EFCAB3: variants seen among roughly 807,000 people sequenced by gnomAD.
EFCAB3 encodes the protein EF-hand calcium-binding domain-containing protein 3.
A neutral mutation model predicts 42.2 loss-of-function variants in EFCAB3; 36 were observed. That is an observed-to-expected ratio of 0.85 (90% CI 0.65 to 1.13). EFCAB3 has a LOEUF of 1.13. Among genes scored for constraint, EFCAB3 ranks in the 50% most tolerant of loss-of-function variants. The pLI is 0.00. For synonymous variants in EFCAB3, 170 were observed against 172.8 expected, an observed-to-expected ratio of 0.98 and a Z score of 0.13; for missense variants, 418 against 505.1, an observed-to-expected ratio of 0.83 and a Z score of 1.65.
At chr17:62,377,058 G>C (rs978202232), upstream of EFCAB3, among the ~76,000 whole-genome samples, 1 of 152,094 alleles carries the variant, frequency 6.6e-6, no homozygotes, top group South Asian at 2.1e-4. Flanking sequence ...GAGAGAGAGA[G>C]AGTGACCAGA....
Position 62,393,603 on chromosome 17 carries a change from T to C in EFCAB3, c.326T>C (p.Ile109Thr). The change falls in exon 5 of 10, where the codon ATC becomes ACC. Residue 109 changes from isoleucine (I) to threonine (T), a missense_variant. Transcript: ENST00000305286. ...GGGAAGGTGAACTTCTCAGACTTTA[T>C]CAAGGTTCTAACAGATAAGAATCTC... is the stretch of plus-strand genomic sequence containing the variant. ...RDGKVNFSDF[I>T]KVLTDKNLFL... 8 of 1,614,128 alleles carry C rather than the reference T, an allele frequency of 5.0e-6. No homozygotes were observed. Among genetic ancestry groups the C allele is most frequent in the Non-Finnish European group, 6.8e-6 (8 of 1,179,996 alleles).
At position 62,398,192 on chromosome 17, in the gene EFCAB3, G is replaced by A. The variant is rs2032739; in HGVS notation, c.488+3004G>A. The A allele has an allele frequency of 0.039, 7,418 of 189,562 alleles. 1,063 individuals carry two copies. The East Asian group carries it at 0.44, about 11-fold the overall frequency. 11.7% of individuals were successfully genotyped at this position (189,562 alleles called of 1,614,324 possible). The stretch of plus-strand genomic sequence containing the variant: ...TGACGGGCCAGGCGTGATGGCTCAC[G>A]TCTGTAATTCCAACACTTTGGGAGG... On this transcript the variant is annotated intron_variant, in intron 6 of 9. Transcript: ENST00000305286.
At chr17:62,409,727 ATATT>A (rs2070478441) in intron 8 of EFCAB3, among the ~76,000 whole-genome samples, 1 of 151,604 alleles carries the variant, frequency 6.6e-6, no homozygotes, top group African/African-American at 2.4e-5. Context: ...CTACATATTT[ATATT>A]TATTATACTA....
intron 8 of EFCAB3, among the ~76,000 whole-genome samples, chr17:62,407,938 A>G (rs932492989): frequency 1.3e-5 from 2 of 152,174 alleles, no homozygotes; most frequent in African/African-American, 4.8e-5. Flanking sequence ...CCCTCCCCAC[A>G]TAGAGTTTAA....
intron 9 of EFCAB3, among the ~76,000 whole-genome samples, chr17:62,415,279 G>A (rs1286981251): frequency 6.6e-6 from 1 of 152,072 alleles, no homozygotes; most frequent in African/African-American, 2.4e-5. Flanking sequence ...GCACTGTACT[G>A]CTTAAAAGTG....
intron 3 of EFCAB3, among the ~76,000 whole-genome samples, chr17:62,389,738 T>C (rs1354099665): frequency 6.6e-6 from 1 of 152,186 alleles, no homozygotes; most frequent in Admixed American, 6.5e-5. Flanking sequence ...TAATATAGAA[T>C]TGATTATAAC....
At chr17:62,404,229 A>G (rs989020578) in intron 6 of EFCAB3, among the ~76,000 whole-genome samples, 1 of 152,192 alleles carries the variant, frequency 6.6e-6, no homozygotes, top group African/African-American at 2.4e-5. Context: ...ATTATGTCAC[A>G]TTAGTTAAAT....
At chr17:62,411,039 A>C (rs547490491) in intron 8 of EFCAB3, among the ~76,000 whole-genome samples, 5 of 152,348 alleles carry the variant, frequency 3.3e-5, no homozygotes, top group African/African-American at 1.2e-4. Context: ...ATCTCCAAGC[A>C]GTAAAATTAC....
upstream of EFCAB3, chr17:62,380,551 C>T (rs561616025): frequency 1.0e-6 from 1 of 985,178 alleles, no homozygotes; most frequent in Admixed American, 6.2e-5. Flanking sequence ...TGGAACAAAC[C>T]CTTTATTGGA....
chr17:62,388,200 G>T (rs376138829), intron 3 of EFCAB3, among the ~76,000 whole-genome samples: 22 of 151,410 alleles, frequency 1.5e-4, no homozygotes, highest in African/African-American at 4.6e-4. Context: ...GACAAAGCGA[G>T]ACTACGTCTC....
rs1223745127 is a variant in EFCAB3, at chr17:62,395,172, A to G, written c.472A>G (p.Ile158Val). 8 of 1,613,516 alleles carry G rather than the reference A, an allele frequency of 5.0e-6. No homozygotes were observed. The highest frequency in any genetic ancestry group is 2.2e-5 in the South Asian group (2 of 90,910). Residue 158 changes from isoleucine to valine, a missense_variant, in exon 6 of 10, where the codon ATA (isoleucine) becomes GTA (valine). Coordinates refer to ENST00000305286, the MANE Select transcript of EFCAB3 (RefSeq NM_173503.4). ...GACTTCAGCCCTACCCAGAAAGTCT[A>G]TAATAGAAATAGTAAGGTAAGTGAG... ...LETSALPRKS[I>V]IEIVSYFQRK...
At chr17:62,386,665 G>A (rs2070254219) in intron 2 of EFCAB3, among the ~76,000 whole-genome samples, 1 of 152,220 alleles carries the variant, frequency 6.6e-6, no homozygotes, top group African/African-American at 2.4e-5. Flanking sequence ...TTTGGAGTCA[G>A]ACAAATCTGG....
intron 8 of EFCAB3, among the ~76,000 whole-genome samples, chr17:62,409,015 T>C (rs560836132): frequency 6.6e-6 from 1 of 152,342 alleles, no homozygotes; most frequent in Admixed American, 6.5e-5. Context: ...TGCCACTGAA[T>C]TGTTCACTTC....
At chr17:62,381,201 G>A (rs1016170452) in intron 1 of EFCAB3, among the ~76,000 whole-genome samples, 3 of 130,532 alleles carry the variant, frequency 2.3e-5, no homozygotes, top group Non-Finnish European at 4.6e-5. Context: ...TCCTGTGTCC[G>A]TGTGTTCTCA....
chr17:62,383,481 A>T (rs2070221877), intron 2 of EFCAB3, among the ~76,000 whole-genome samples: 3 of 152,184 alleles, frequency 2.0e-5, no homozygotes, highest in South Asian at 4.1e-4. Flanking sequence ...TCAAAAAAAA[A>T]TTACTAATAT....
At position 62,403,771 on chromosome 17, in the gene EFCAB3, C is replaced by T. The variant is rs139791105; in HGVS notation, c.489-2709C>T. On this transcript the variant is annotated intron_variant, in intron 6 of 9. Coordinates refer to ENST00000305286, the MANE Select transcript of EFCAB3 (RefSeq NM_173503.4). Reference sequence around the variant, plus strand: ...CAAGCAATCCTCTCATTTCAGCTTCCTGGAGTAGCTGGGACTACAAGCCTG... The same window carrying T: ...CAAGCAATCCTCTCATTTCAGCTTCTTGGAGTAGCTGGGACTACAAGCCTG... 6.5e-3 allele frequency among the ~76,000 whole-genome samples: 995 copies of T among 152,276 alleles called. 5 individuals carry two copies. The highest frequency in any genetic ancestry group is 0.014 in the Middle Eastern group (4 of 294).
Position 62,407,120 on chromosome 17 carries a change from A to C in EFCAB3, c.775A>C (p.Lys259Gln), listed in dbSNP as rs1567728019. Residue 259 changes from lysine to glutamine, a missense_variant, in exon 8 of 10, where the codon AAA becomes CAA. Coordinates refer to ENST00000305286, the MANE Select transcript of EFCAB3 (RefSeq NM_173503.4). ...VDGVVMGKPF[K>Q]DMQKLEMLRI... ...TGGGGTGGTGATGGGAAAGCCATTC[A>C]AAGACATGCAGAAATTAGAGATGCT... 1.9e-6 allele frequency: 3 copies of C among 1,613,366 alleles called. No homozygotes were observed. Among genetic ancestry groups the C allele is most frequent in the Non-Finnish European group, 2.5e-6 (3 of 1,179,744 alleles).
At chr17:62,394,349 T>A (rs1032459214) in intron 5 of EFCAB3, among the ~76,000 whole-genome samples, 9 of 152,166 alleles carry the variant, frequency 5.9e-5, no homozygotes, top group Admixed American at 5.9e-4. Flanking sequence ...AAAAATGTAC[T>A]CTCTCATGTA....
At chr17:62,390,081 C>T (rs920877653) in intron 3 of EFCAB3, among the ~76,000 whole-genome samples, 7 of 151,982 alleles carry the variant, frequency 4.6e-5, no homozygotes, top group Admixed American at 1.3e-4. Flanking sequence ...CCACCGTGCC[C>T]GGCCATAAAT....
Sources: gnomAD v4.1 joint callset for allele counts (sites outside exome capture counted in the v4.1 genomes callset) on GRCh38, gnomAD v4.1.1 for gene constraint, MANE v1.5 for transcripts, NCBI Gene and HGNC (gene_info 2026-07-23, HGNC 2026-07-21) for gene names.